The following EMSY variants were observed in gnomAD, a reference collection of about 807,000 sequenced individuals.
The protein encoded by EMSY is EMSY transcriptional repressor, BRCA2 interacting, also known as BRCA2-interacting transcriptional repressor EMSY.
In EMSY, 26 loss-of-function variants were observed where a neutral mutation model predicts 134.6. That is an observed-to-expected ratio of 0.19 (90% CI 0.14 to 0.27). EMSY has a LOEUF of 0.27. Among genes scored for constraint, EMSY ranks in the 10% least tolerant of loss-of-function variants. The probability of loss-of-function intolerance (pLI) is 1.00; values close to 1 mark genes in which losing one functional copy is unlikely to be tolerated. For synonymous variants in EMSY, 579 were observed against 577.8 expected, an observed-to-expected ratio of 1.00 and a Z score of -0.03; for missense variants, 1,305 against 1,611.4, an observed-to-expected ratio of 0.81 and a Z score of 3.26.
intron 14 of EMSY, among the ~76,000 whole-genome samples, chr11:76,532,502 G>T (rs1018639966): frequency 2.0e-5 from 3 of 152,044 alleles, no homozygotes; most frequent in Non-Finnish European, 2.9e-5. Context: ...TAAAGATCAG[G>T]TCATATGTCA....
chr11:76,446,994 T>G lies in EMSY; in HGVS notation c.56T>G (p.Ile19Ser), dbSNP rs1266159804. 1.9e-6 allele frequency: 3 copies of G among 1,613,568 alleles called. No homozygotes were observed. In the African/African-American group the frequency reaches 4.0e-5, roughly 22 times the overall value. The change falls in exon 2 of 21, where the codon ATT (isoleucine) becomes AGT (serine). Residue 19 changes from isoleucine (I) to serine (S), a missense_variant. Ile to Ser is a moderately radical substitution (Grantham distance 142). Coordinates refer to ENST00000334736, the Ensembl canonical transcript of EMSY. ...CTCAGCAGGGATGAATGCAAAAGAA[T>G]TCTTCGAAAATTGGGTATGACGTTC... is the stretch of plus-strand genomic sequence containing the variant.
chr11:76,467,793 GA>G (rs1948412179), intron 7 of EMSY, among the ~76,000 whole-genome samples: 1 of 151,986 alleles, frequency 6.6e-6, no homozygotes, highest in Non-Finnish European at 1.5e-5. Flanking sequence ...GGAGTTCTGA[GA>G]CCAGCCTGAT....
At chr11:76,447,213 T>C (rs906755084) in intron 2 of EMSY, among the ~76,000 whole-genome samples, 1 of 152,256 alleles carries the variant, frequency 6.6e-6, no homozygotes, top group Non-Finnish European at 1.5e-5. Context: ...GTAATAATAC[T>C]AGTAGCTAAG....
At chr11:76,526,160 TTATAA>T (rs1438159006) in intron 12 of EMSY, among the ~76,000 whole-genome samples, 1 of 152,216 alleles carries the variant, frequency 6.6e-6, no homozygotes, top group African/African-American at 2.4e-5. Flanking sequence ...TTTCTGACTA[TTATAA>T]TATATGTATT....
Position 76,537,963 on chromosome 11 carries a change from T to C in EMSY, c.2515+13T>C, listed in dbSNP as rs1951287045. 1.2e-6 allele frequency: 2 copies of C among 1,600,464 alleles called. No homozygotes were observed. Among genetic ancestry groups the C allele is most frequent in the East Asian group, 4.5e-5 (2 of 44,520 alleles). On this transcript the variant is annotated intron_variant, in intron 16 of 20. Coordinates refer to ENST00000334736, the Ensembl canonical transcript of EMSY. ...TACATCACTACTGGTAGGTGTCCTC[T>C]TAAAATGTAGTATTAAGGTAGGAGA... is the stretch of plus-strand genomic sequence containing the variant.
exon 21 of EMSY, chr11:76,550,111 C>T (rs752105792): frequency 1.2e-6 from 2 of 1,613,318 alleles, no homozygotes; most frequent in East Asian, 4.5e-5. Flanking sequence ...TGGAACTGAA[C>T]CCAGCCCTTC....
chr11:76,497,306 T>G lies in EMSY; in HGVS notation c.1363+837T>G, dbSNP rs568151810. On this transcript the variant is annotated intron_variant, in intron 9 of 20. Coordinates refer to ENST00000334736, the Ensembl canonical transcript of EMSY. The stretch of plus-strand genomic sequence containing the variant: ...TCTCTATTCATGAGACATTTTGGTC[T>G]GTAATATTCTTATTTTATACTGCCT... 1.1e-4 allele frequency: 17 copies of G among 152,396 alleles called. No individual in the cohort carries two copies. The South Asian group carries it at 3.5e-3, about 32-fold the overall frequency. 9.4% of individuals were successfully genotyped at this position (152,396 alleles called of 1,614,324 possible).
At chr11:76,495,279 A>G (rs1161273065) in intron 8 of EMSY, among the ~76,000 whole-genome samples, 1 of 152,146 alleles carries the variant, frequency 6.6e-6, no homozygotes, top group African/African-American at 2.4e-5. Flanking sequence ...TGGTAGAGAA[A>G]GGTGTGAAAA....
At chr11:76,526,310 C>T (rs937942829) in intron 12 of EMSY, 152 bp from the exon 14 acceptor site, 7 of 507,456 alleles carry the variant, frequency 1.4e-5, no homozygotes, top group African/African-American at 7.9e-5. Context: ...ACCAAGTCTA[C>T]GATTTTTGAT....
chr11:76,459,733 C>T, intron 5 of EMSY, 200 bp from the exon 7 acceptor site: 1 of 519,790 alleles, frequency 1.9e-6, no homozygotes, highest in African/African-American at 1.9e-5. Flanking sequence ...CTGTTAAATA[C>T]TTGGGAAAAA....
At chr11:76,523,502 A>G (rs1456560825) in intron 12 of EMSY, among the ~76,000 whole-genome samples, 1 of 152,146 alleles carries the variant, frequency 6.6e-6, no homozygotes, top group Non-Finnish European at 1.5e-5. Flanking sequence ...GCTCATAGCT[A>G]GGTTGCTTGT....
At chr11:76,458,218 T>A in exon 5 of EMSY, 1 of 1,614,126 alleles carries the variant, frequency 6.2e-7, no homozygotes, top group Non-Finnish European at 8.5e-7. Context: ...GAATGGTCCA[T>A]TGAAGGTCGT....
At chr11:76,504,629 CAATTA>C (rs1299536098) in intron 9 of EMSY, among the ~76,000 whole-genome samples, 2 of 152,064 alleles carry the variant, frequency 1.3e-5, no homozygotes, top group South Asian at 2.1e-4. Context: ...GTTTATCAAA[CAATTA>C]AATTAAACAA....
chr11:76,499,275 CTTTTTTTTT>C (rs777778051), intron 9 of EMSY, among the ~76,000 whole-genome samples: 2 of 69,974 alleles, frequency 2.9e-5, no homozygotes, highest in African/African-American at 6.9e-5. Context: ...AATCTTATAA[CTTTTTTTTT>C]TTTTTTTTTT....
At chr11:76,537,376 G>T (rs1951261242) in intron 15 of EMSY, among the ~76,000 whole-genome samples, 1 of 152,200 alleles carries the variant, frequency 6.6e-6, no homozygotes, top group African/African-American at 2.4e-5. Flanking sequence ...TGGTCACTGT[G>T]TTGTGCTATT....
At chr11:76,499,909 G>A (rs944732273) in intron 9 of EMSY, among the ~76,000 whole-genome samples, 1 of 151,280 alleles carries the variant, frequency 6.6e-6, no homozygotes, top group South Asian at 2.1e-4. Context: ...CCATTTTTTG[G>A]TCTCTACAAA....
intron 14 of EMSY, among the ~76,000 whole-genome samples, chr11:76,532,076 G>T (rs949519283): frequency 6.6e-6 from 1 of 152,066 alleles, no homozygotes; most frequent in African/African-American, 2.4e-5. Context: ...TTGTACATCA[G>T]CTCTTTTAAC....
At chr11:76,455,970 C>T (rs1226424341) in intron 4 of EMSY, among the ~76,000 whole-genome samples, 1 of 152,148 alleles carries the variant, frequency 6.6e-6, no homozygotes, top group Non-Finnish European at 1.5e-5. Flanking sequence ...ATGAGGATTT[C>T]TTACTGGTGC....
intron 11 of EMSY, among the ~76,000 whole-genome samples, chr11:76,520,939 G>T (rs1950618057): frequency 6.6e-6 from 1 of 152,118 alleles, no homozygotes; most frequent in African/African-American, 2.4e-5. Context: ...TGATATGTAG[G>T]CCTATAGAAG....
Sources: gnomAD v4.1 joint callset for allele counts (sites outside exome capture counted in the v4.1 genomes callset) on GRCh38, gnomAD v4.1.1 for gene constraint, MANE v1.5 for transcripts, NCBI Gene and HGNC (gene_info 2026-07-23, HGNC 2026-07-21) for gene names.